Variants in BRF2 observed in about 807,000 individuals in gnomAD.
BRF2 encodes transcription factor IIIB 50 kDa subunit.
A neutral mutation model predicts 26.6 loss-of-function variants in BRF2; 17 were observed. That is an observed-to-expected ratio of 0.64 (90% CI 0.44 to 0.96). The LOEUF (loss-of-function observed/expected upper bound fraction) is 0.96, where lower values mean the gene tolerates loss of function less well. BRF2 is among the 40% of genes least tolerant of loss of function. BRF2 has a pLI of 0.00. For missense variants in BRF2, 515 were observed against 537.0 expected (o/e 0.96, Z 0.40); for synonymous variants, 219 against 226.6 (o/e 0.97, Z 0.30).
At position 37,849,686 on chromosome 8, in the gene BRF2, C is replaced by T. The variant is rs1280221229; in HGVS notation, c.98G>A (p.Cys33Tyr). ...GGTAAGGACCCCCTCGGTGACCACG[C>T]AGCCGCAGTCGGAGCACACCAGCTG... ...QSQLVCSDCG[C>Y]VVTEGVLTTT... is the part of the protein sequence containing the mutation. Residue 33 changes from cysteine (C) to tyrosine (Y), a missense_variant, in exon 1 of 4, where the codon TGC becomes TAC. Physicochemically the swap from Cys to Tyr is radical, Grantham distance 194. Coordinates refer to ENST00000220659, the MANE Select transcript of BRF2 (RefSeq NM_018310.4). 7 of 1,613,600 alleles carry T rather than the reference C, an allele frequency of 4.3e-6. No individual in the cohort carries two copies. Among genetic ancestry groups the T allele is most frequent in the Non-Finnish European group, 5.9e-6 (7 of 1,179,954 alleles).
In BRF2 at chr8:37,846,912, G is replaced by T; in HGVS notation, c.478C>A (p.Leu160Met). Reference sequence around the variant, plus strand: ...CACAGAGATGGCACATCCAGTCCCAGGAGCTTCACTATCTGCATGTAAGTG... The same window carrying T: ...CACAGAGATGGCACATCCAGTCCCATGAGCTTCACTATCTGCATGTAAGTG... ...SSTYMQIVKL[L>M]GLDVPSLCLA... The change falls in exon 3 of 4, where the codon CTG (leucine) becomes ATG (methionine). Residue 160 changes from leucine (L) to methionine (M), a missense_variant. By Grantham distance (15) the Leu-to-Met change is conservative (BLOSUM62 2). Coordinates refer to ENST00000220659, the MANE Select transcript of BRF2 (RefSeq NM_018310.4). 1 of 1,614,156 alleles carries T rather than the reference G, an allele frequency of 6.2e-7. No homozygotes were observed. The highest frequency in any genetic ancestry group is 8.5e-7 in the Non-Finnish European group (1 of 1,180,018).
chr8:37,844,934 C>T lies in BRF2; in HGVS notation c.816G>A (p.Val272=), dbSNP rs753166539. The change falls in exon 4 of 4, where the codon GTG becomes GTA. Residue 272 remains valine (V), a synonymous_variant. Transcript: ENST00000220659. ...ASSRLQELLA[V]LLRMAEQLAW... ...CCAGCTGCTCAGCCATCCGCAGCAG[C>T]ACAGCCAGCAGCTCCTGCAGGCGGG... 5 of 1,614,052 alleles carry T rather than the reference C, an allele frequency of 3.1e-6. No individual in the cohort carries two copies. The East Asian group carries it at 1.1e-4, about 36-fold the overall frequency.
chr8:37,849,565 G>A (rs1806030123), intron 1 of BRF2, 65 bp downstream of exon 1: 2 of 1,311,876 alleles, frequency 1.5e-6, no homozygotes, highest in Non-Finnish European at 2.2e-6. Context: ...GGGGGAGCGG[G>A]GAGGCAAAAG....
chr8:37,848,304 T>C (rs961550222), intron 2 of BRF2, among the ~76,000 whole-genome samples: 4 of 151,754 alleles, frequency 2.6e-5, no homozygotes. Flanking sequence ...TGGAGTGCAG[T>C]GGCGCGATCT....
chr8:37,845,793 G>A lies in BRF2; in HGVS notation c.537-580C>T, dbSNP rs1439323303. 4 of 621,520 alleles carry A rather than the reference G, an allele frequency of 6.4e-6. No individual in the cohort carries two copies. In the East Asian group the frequency reaches 1.1e-4, roughly 18 times the overall value. The allele number at this position is 621,520 out of a possible 1,614,324, so 38.5% of individuals were successfully genotyped here. A position where few individuals can be genotyped will look rare whatever the true frequency, so the allele number is the denominator to read the frequency against. ...CTCCAGGCTGGGTGAAAGAGACCCT[G>A]TCTTTAAAAAAACTAGAAAAGACTT... is the stretch of plus-strand genomic sequence containing the variant. On this transcript the variant is annotated intron_variant, in intron 3 of 3. Transcript: ENST00000220659.
intron 2 of BRF2, among the ~76,000 whole-genome samples, chr8:37,848,110 C>A (rs1163251818): frequency 2.6e-5 from 4 of 150,998 alleles, no homozygotes; most frequent in Non-Finnish European, 5.9e-5. Context: ...CCATCACGCC[C>A]GGCTAATTTT....
In BRF2 at chr8:37,846,991, T is replaced by G. The variant is rs756612483; in HGVS notation, c.399A>C (p.Leu133=). 19 of 1,614,216 alleles carry G rather than the reference T, an allele frequency of 1.2e-5. No individual in the cohort carries two copies. Among genetic ancestry groups the G allele is most frequent in the Non-Finnish European group, 1.5e-5 (18 of 1,180,048 alleles). Residue 133 remains leucine (L), a synonymous_variant, in exon 3 of 4, where the codon CTA becomes CTC. Coordinates refer to ENST00000220659, the MANE Select transcript of BRF2 (RefSeq NM_018310.4). ...ACAGCGTGCAGATGGCCCCCATTGT[T>G]AGGGGCCAGTTATGCTGTCGGCAGG... ...LITCRQHNWP[L]TMGAICTLLY...
Position 37,849,662 on chromosome 8 carries a change from G to T in BRF2, c.122C>A (p.Thr41Asn). The change falls in exon 1 of 4, where the codon ACC becomes AAC. Residue 41 changes from threonine (T) to asparagine (N), a missense_variant. Transcript: ENST00000220659. Reference sequence around the variant, plus strand: ...ATTGCCCTCGTCGCTGAAGGTAGTGGTAAGGACCCCCTCGGTGACCACGCA... The same window carrying T: ...ATTGCCCTCGTCGCTGAAGGTAGTGTTAAGGACCCCCTCGGTGACCACGCA... ...CGCVVTEGVL[T>N]TTFSDEGNLR... 6.2e-7 allele frequency: 1 copy of T among 1,613,636 alleles called. No individual in the cohort carries two copies.
At position 37,849,536 on chromosome 8, in the gene BRF2, C is replaced by T. The variant is rs1263318937; in HGVS notation, c.154+94G>A. The T allele has an allele frequency of 1.1e-5, 11 of 1,010,804 alleles. No individual in the cohort carries two copies. The Admixed American group carries it at 2.0e-4, about 18-fold the overall frequency. The allele number at this position is 1,010,804 out of a possible 1,614,324, so 62.6% of individuals were successfully genotyped here. A position where few individuals can be genotyped will look rare whatever the true frequency, so the allele number is the denominator to read the frequency against. The stretch of plus-strand genomic sequence containing the variant: ...CATTTTCTCTCAAATTAAGTGTGTG[C>T]GTTACAGTTAGGAGTATGGGGGGAG... On this transcript the variant is annotated intron_variant, in intron 1 of 3. Transcript: ENST00000220659.
rs1007292936 is a variant in BRF2, at chr8:37,843,470, C to T, written c.*1020G>A. ...CCCTGCAGGTCATGAGGGGCCTATGCCTTTACTCCTTTTAAACACCAGCAC... is the reference window on the plus strand; with the variant it reads ...CCCTGCAGGTCATGAGGGGCCTATGTCTTTACTCCTTTTAAACACCAGCAC... On this transcript the variant is annotated 3_prime_UTR_variant, in exon 4 of 4. Coordinates refer to ENST00000220659, the MANE Select transcript of BRF2 (RefSeq NM_018310.4). 1.3e-5 allele frequency: 2 copies of T among 152,240 alleles called. No homozygotes were observed. The highest frequency in any genetic ancestry group is 1.3e-4 in the Admixed American group (2 of 15,272). The allele number at this position is 152,240 out of a possible 1,614,324, so 9.4% of individuals were successfully genotyped here.
intron 1 of BRF2, 109 bp from the exon 2 acceptor site, chr8:37,848,764 G>T: frequency 1.2e-6 from 1 of 840,668 alleles, no homozygotes; most frequent in Non-Finnish European, 2.0e-6. Context: ...AGCATCTGCT[G>T]CTGCACAGTT....
Position 37,844,779 on chromosome 8 carries a change from T to A in BRF2, c.971A>T (p.Lys324Met). ...CCCCTGTCCCCACCCCGGTGGCTCC[T>A]TCTCTCGGGTCTCCACTTCTGCTGT... ...DGTAEVETRE[K>M]EPPGWGQGQG... Residue 324 changes from lysine (K) to methionine (M), a missense_variant, in exon 4 of 4, where the codon AAG (lysine) becomes ATG (methionine). By Grantham distance (95) the Lys-to-Met change is moderately conservative. Transcript: ENST00000220659. 2 of 1,613,966 alleles carry A rather than the reference T, an allele frequency of 1.2e-6. No individual in the cohort carries two copies. The highest frequency in any genetic ancestry group is 2.2e-5 in the South Asian group (2 of 91,068).
chr8:37,847,930 TA>T (rs199595066), intron 2 of BRF2, among the ~76,000 whole-genome samples: 40,776 of 147,018 alleles, frequency 0.28, 5,565 homozygotes, highest in African/African-American at 0.33. Context: ...AGTTTTCTTT[TA>T]TTATTATTAT....
At position 37,843,407 on chromosome 8, in the gene BRF2, C is replaced by G. The variant is rs1300884893; in HGVS notation, c.*1083G>C. On this transcript the variant is annotated 3_prime_UTR_variant, in exon 4 of 4. Coordinates refer to ENST00000220659, the MANE Select transcript of BRF2 (RefSeq NM_018310.4). The stretch of plus-strand genomic sequence containing the variant: ...AATGTCAAACCAGCTTCCCGACTCC[C>G]AGGAGCTCAAGCCAAGCCCAGAGGC... 1.3e-5 allele frequency: 2 copies of G among 152,318 alleles called. No individual in the cohort carries two copies. The highest frequency in any genetic ancestry group is 2.9e-5 in the Non-Finnish European group (2 of 68,104). The allele number at this position is 152,318 out of a possible 1,614,324, so 9.4% of individuals were successfully genotyped here. A position where few individuals can be genotyped will look rare whatever the true frequency, so the allele number is the denominator to read the frequency against.
intron 1 of BRF2, among the ~76,000 whole-genome samples, chr8:37,849,359 T>C (rs1352431536): frequency 6.6e-6 from 1 of 152,240 alleles, no homozygotes; most frequent in Non-Finnish European, 1.5e-5. Context: ...CCTTCCACAA[T>C]GACCAGACAT....
Position 37,849,793 on chromosome 8 carries a change from G to T in BRF2, c.-10C>A. 1 of 1,602,648 alleles carries T rather than the reference G, an allele frequency of 6.2e-7. No homozygotes were observed. Among genetic ancestry groups the T allele is most frequent in the Non-Finnish European group, 8.5e-7 (1 of 1,176,374 alleles). Reference sequence around the variant, plus strand: ...GGCCTCTGCCTGGCATCTCACAACCGGCCCCAAAGCCGCGGAAGCCTTCAG... The same window carrying T: ...GGCCTCTGCCTGGCATCTCACAACCTGCCCCAAAGCCGCGGAAGCCTTCAG... On this transcript the variant is annotated 5_prime_UTR_variant, in exon 1 of 4. Transcript: ENST00000220659.
chr8:37,848,927 TTTG>T (rs1248393194), intron 1 of BRF2, among the ~76,000 whole-genome samples: 7 of 152,216 alleles, frequency 4.6e-5, no homozygotes, highest in African/African-American at 1.7e-4. Flanking sequence ...AGCAGCAGAT[TTTG>T]TTGTTGTTTG....
Position 37,844,404 on chromosome 8 carries a change from G to T in BRF2, c.*86C>A. The T allele has an allele frequency of 6.6e-7, 1 of 1,523,202 alleles. No homozygotes were observed. Among genetic ancestry groups the T allele is most frequent in the Admixed American group, 1.9e-5 (1 of 53,626 alleles). 94.4% of individuals were successfully genotyped at this position (1,523,202 alleles called of 1,614,324 possible). On this transcript the variant is annotated 3_prime_UTR_variant, in exon 4 of 4. Coordinates refer to ENST00000220659, the MANE Select transcript of BRF2 (RefSeq NM_018310.4). Reference sequence around the variant, plus strand: ...TTCAAACAAGAAAAGCAATACCTACGGACTGGTGTACACTTCCATCCTTGG... The same window carrying T: ...TTCAAACAAGAAAAGCAATACCTACTGACTGGTGTACACTTCCATCCTTGG...
At chr8:37,849,367 C>T (rs1465785468) in intron 1 of BRF2, among the ~76,000 whole-genome samples, 1 of 152,214 alleles carries the variant, frequency 6.6e-6, no homozygotes, top group Non-Finnish European at 1.5e-5. Context: ...AATGACCAGA[C>T]ATGGCAAGAT....
Sources: allele counts gnomAD v4.1 joint callset (sites outside exome capture counted in the v4.1 genomes callset), GRCh38; gene constraint gnomAD v4.1.1; transcripts MANE v1.5; gene names NCBI Gene and HGNC (gene_info 2026-07-23, HGNC 2026-07-21).